Variants in SPAG5 observed in about 807,000 individuals in gnomAD.
The protein encoded by SPAG5 is sperm associated antigen 5.
SPAG5 carries 99 observed loss-of-function variants against 145.4 expected under a neutral mutation model. The ratio of observed to expected loss-of-function variants is 0.68; its 90% CI spans 0.58 to 0.80. The LOEUF (loss-of-function observed/expected upper bound fraction) is 0.80, where lower values mean the gene tolerates loss of function less well. SPAG5 is among the 30% of genes least tolerant of loss of function. SPAG5 has a pLI of 0.00. For missense variants in SPAG5, 1,192 were observed against 1,416.0 expected (o/e 0.84, Z 2.54); for synonymous variants, 477 against 525.4 (o/e 0.91, Z 1.26).
chr17:28,595,576 C>A (rs903650423), intron 2 of SPAG5, among the ~76,000 whole-genome samples: 1 of 151,578 alleles, frequency 6.6e-6, no homozygotes, highest in Non-Finnish European at 1.5e-5. Context: ...GGTGAAACCC[C>A]GCCTCTACTA....
chr17:28,591,832 C>T lies in SPAG5; in HGVS notation c.1303G>A (p.Glu435Lys). 1 of 1,614,104 alleles carries T rather than the reference C, an allele frequency of 6.2e-7. No homozygotes were observed. Among genetic ancestry groups the T allele is most frequent in the Non-Finnish European group, 8.5e-7 (1 of 1,180,030 alleles). ...DLTALSRHDL[E>K]DNLLSSLVIL... Reference sequence around the variant, plus strand: ...ACAAGAGAGCTCAGCAGGTTATCTTCCAAGTCATGTCGAGACAAGGCAGTC... The same window carrying T: ...ACAAGAGAGCTCAGCAGGTTATCTTTCAAGTCATGTCGAGACAAGGCAGTC... The change falls in exon 4 of 24, where the codon GAA becomes AAA. Residue 435 changes from glutamate to lysine, a missense_variant. Around this residue, in one of 5 missense-constraint regions of SPAG5, gnomAD observed 125 missense variants for 143.8 expected, o/e 0.87. Coordinates refer to ENST00000321765, the MANE Select transcript of SPAG5 (RefSeq NM_006461.4).
In SPAG5 at chr17:28,594,388, G is replaced by A. The variant is rs12601195; in HGVS notation, c.178-1322C>T. On this transcript the variant is annotated intron_variant, in intron 2 of 23. Transcript: ENST00000321765. ...AGGCGGGCGGATCACGAGGTCAGGA[G>A]ATCGAGACCATCCTGGCTAACACGA... Among the ~76,000 whole-genome samples the A allele has an allele frequency of 9.1e-4, 138 of 152,290 alleles. No individual in the cohort carries two copies. The East Asian group carries it at 0.023, about 26-fold the overall frequency.
intron 4 of SPAG5, among the ~76,000 whole-genome samples, chr17:28,587,939 T>C (rs537538685): frequency 1.3e-5 from 2 of 152,300 alleles, no homozygotes; most frequent in East Asian, 1.9e-4. Flanking sequence ...CTGGGTCAGA[T>C]AGATAAAACT....
Position 28,594,549 on chromosome 17 carries a change from C to G in SPAG5, c.178-1483G>C, listed in dbSNP as rs560907013. 3.3e-5 allele frequency among the ~76,000 whole-genome samples: 5 copies of G among 152,130 alleles called. No individual in the cohort carries two copies. The South Asian group carries it at 1.0e-3, about 32-fold the overall frequency. ...GGTGGAGCTTGCAGTGAGCCAAGAT[C>G]GTGACACTGCACTCCAGCCTGGGCA... On this transcript the variant is annotated intron_variant, in intron 2 of 23. Transcript: ENST00000321765.
Position 28,592,391 on chromosome 17 carries a change from G to A in SPAG5, c.853C>T (p.His285Tyr), listed in dbSNP as rs868161808. Residue 285 changes from histidine to tyrosine, a missense_variant, in exon 3 of 24, where the codon CAT (histidine) becomes TAT (tyrosine). Physicochemically the swap from His to Tyr is moderately conservative, Grantham distance 83. Transcript: ENST00000321765. ...MEEREMRFPT[H>Y]PKESETEDQA... ...TCTTCTGTTTCAGACTCCTTAGGAT[G>A]TGTGGGAAACCTCATTTCTCTTTCC... 1.2e-6 allele frequency: 2 copies of A among 1,614,092 alleles called. No individual in the cohort carries two copies. The highest frequency in any genetic ancestry group is 1.6e-4 in the Middle Eastern group (1 of 6,062).
At chr17:28,584,981 C>T (rs2070574220) in intron 10 of SPAG5, 121 bp downstream of exon 10, 1 of 948,548 alleles carries the variant, frequency 1.1e-6, no homozygotes, top group Non-Finnish European at 1.7e-6. Context: ...AGCTAAGAGA[C>T]CTTACTGGCT....
intron 15 of SPAG5, among the ~76,000 whole-genome samples, chr17:28,583,010 G>A (rs925579493): frequency 6.6e-6 from 1 of 152,140 alleles, no homozygotes; most frequent in African/African-American, 2.4e-5. Context: ...CCAGTTTGGA[G>A]TGCAGTGATA....
intron 15 of SPAG5, among the ~76,000 whole-genome samples, chr17:28,581,315 G>A (rs1219409684): frequency 1.3e-5 from 2 of 152,120 alleles, no homozygotes; most frequent in Non-Finnish European, 2.9e-5. Context: ...TTGTGGCTGC[G>A]GCTGCTAACT....
intron 15 of SPAG5, among the ~76,000 whole-genome samples, chr17:28,582,167 G>A (rs182348886): frequency 6.6e-6 from 1 of 152,168 alleles, no homozygotes; most frequent in East Asian, 1.9e-4. Flanking sequence ...CTCCTGCCTT[G>A]CCCCACAGAG....
At chr17:28,584,796 C>T in intron 10 of SPAG5, 51 bp from the exon 11 acceptor site, 1 of 1,366,036 alleles carries the variant, frequency 7.3e-7, no homozygotes, top group East Asian at 2.3e-5. Context: ...AATCAATAAT[C>T]CCAGGACTTG....
chr17:28,585,276 T>G (rs1366449010), intron 9 of SPAG5, 43 bp downstream of exon 9: 4 of 1,611,082 alleles, frequency 2.5e-6, no homozygotes, highest in Non-Finnish European at 3.4e-6. Context: ...CAACAGGACT[T>G]GATGTGAGTA....
At chr17:28,584,779 C>A in intron 10 of SPAG5, 34 bp from the exon 11 acceptor site, 1 of 1,470,268 alleles carries the variant, frequency 6.8e-7, no homozygotes, top group South Asian at 1.1e-5. Flanking sequence ...TCCTATAGTT[C>A]CTCCTGAATC....
rs374138826 is a variant in SPAG5, at chr17:28,585,515, G to T, written c.1860+19C>A. 129 of 1,613,832 alleles carry T rather than the reference G, an allele frequency of 8.0e-5. No homozygotes were observed. The highest frequency in any genetic ancestry group is 1.1e-4 in the Non-Finnish European group (126 of 1,180,034). On this transcript the variant is annotated intron_variant, in intron 8 of 23. Transcript: ENST00000321765. ...GTCTGTCAGCACAGACCCCAGGAAAGAAAATGCCCTTAAATTACCAGTTGG... is the reference window on the plus strand; with the variant it reads ...GTCTGTCAGCACAGACCCCAGGAAATAAAATGCCCTTAAATTACCAGTTGG...
At chr17:28,597,545 A>G (rs1054495370) in intron 2 of SPAG5, among the ~76,000 whole-genome samples, 1 of 152,336 alleles carries the variant, frequency 6.6e-6, no homozygotes, top group African/African-American at 2.4e-5. Context: ...AGAAAGTTCT[A>G]TTGGACAGTA....
At chr17:28,583,415 A>C (rs955728956) in intron 15 of SPAG5, 96 bp downstream of exon 15, 1 of 1,357,600 alleles carries the variant, frequency 7.4e-7, no homozygotes, top group Non-Finnish European at 1.0e-6. Flanking sequence ...TGAAATCATA[A>C]AAGGTCACAG....
chr17:28,585,693 G>C (rs1234183235), intron 7 of SPAG5, 40 bp from the exon 8 acceptor site: 14 of 1,611,974 alleles, frequency 8.7e-6, no homozygotes, highest in African/African-American at 1.3e-5. Flanking sequence ...GTGGGCAACA[G>C]GGGAGCCAGC....
rs2070586134 is a variant in SPAG5 at position 28,586,468 on chromosome 17, C to A, written c.1469G>T (p.Ser490Ile). 6.2e-7 allele frequency: 1 copy of A among 1,613,826 alleles called. No homozygotes were observed. Among genetic ancestry groups the A allele is most frequent in the Admixed American group, 1.7e-5 (1 of 60,002 alleles). The change falls in exon 5 of 24, where the codon AGC becomes ATC. Residue 490 changes from serine (S) to isoleucine (I), a missense_variant. By Grantham distance (142) the Ser-to-Ile change is moderately radical. Coordinates refer to ENST00000321765, the MANE Select transcript of SPAG5 (RefSeq NM_006461.4). The part of the protein sequence containing the change: ...ITNKLQHLKE[S>I]HEMGQALQQA... ...CTGTAGGGCCTGTCCCATCTCATGG[C>A]TCTCCTTAAGATGCTGAAGTTTATT...
intron 9 of SPAG5, 38 bp from the exon 10 acceptor site, chr17:28,585,253 G>A: frequency 1.2e-6 from 2 of 1,611,500 alleles, no homozygotes; most frequent in South Asian, 2.2e-5. Flanking sequence ...GAGCACACTT[G>A]AGGCAAAGCT....
rs758398210 is a variant in SPAG5 at position 28,579,480 on chromosome 17, G to A, written c.2890C>T (p.Pro964Ser). The part of the protein sequence containing the change: ...SMVSLQPAET[P>S]GMEESLAEMS... ...TCTGCCAGGCTCTCCTCCATGCCTG[G>A]GGTCTCTGAAAGAGAAAGTCCCAGA... The change falls in exon 18 of 24, where the codon CCA becomes TCA. Residue 964 changes from proline (P) to serine (S), a missense_variant. Physicochemically the swap from Pro to Ser is moderately conservative, Grantham distance 74 (BLOSUM62 -1). This residue lies in a region of SPAG5 where 709 missense variants were observed against 840.7 expected (regional missense o/e 0.84). Transcript: ENST00000321765. 1 of 1,613,750 alleles carries A rather than the reference G, an allele frequency of 6.2e-7. No individual in the cohort carries two copies. Among genetic ancestry groups the A allele is most frequent in the Admixed American group, 1.7e-5 (1 of 59,954 alleles).
Sources: gnomAD v4.1 joint callset for allele counts (sites outside exome capture counted in the v4.1 genomes callset) on GRCh38, gnomAD v4.1.1 for gene constraint, gnomAD v4.1.1 regional missense constraint, MANE v1.5 for transcripts, NCBI Gene and HGNC (gene_info 2026-07-23, HGNC 2026-07-21) for gene names.